The following SOBP variants were observed in gnomAD, a reference collection of about 807,000 sequenced individuals.
SOBP encodes the protein sine oculis binding protein homolog.
A neutral mutation model predicts 53.6 loss-of-function variants in SOBP; 4 were observed. The ratio of observed to expected loss-of-function variants is 0.07; its 90% CI spans 0.04 to 0.17. SOBP has a LOEUF of 0.17. Among genes scored for constraint, SOBP ranks in the 10% least tolerant of loss-of-function variants. SOBP has a pLI of 1.00. For missense variants in SOBP, 1,088 were observed against 1,204.7 expected (o/e 0.90, Z 1.43); for synonymous variants, 584 against 522.6 (o/e 1.12, Z -1.60).
intron 1 of SOBP, among the ~76,000 whole-genome samples, chr6:107,502,998 T>G (rs1273512614): frequency 6.6e-6 from 1 of 152,156 alleles, no homozygotes; most frequent in Non-Finnish European, 1.5e-5. Context: ...TGACCTCAAG[T>G]AATCTGTCTG....
At chr6:107,645,276 ACTC>A (rs1021529173) in intron 6 of SOBP, among the ~76,000 whole-genome samples, 5 of 151,998 alleles carry the variant, frequency 3.3e-5, no homozygotes, top group African/African-American at 4.8e-5. Flanking sequence ...AAACTTAATA[ACTC>A]CTCATCATAT....
intron 3 of SOBP, among the ~76,000 whole-genome samples, chr6:107,526,555 A>G (rs1783669827): frequency 6.6e-6 from 1 of 152,134 alleles, no homozygotes; most frequent in Non-Finnish European, 1.5e-5. Flanking sequence ...TGCTCTCTGG[A>G]ATGGCTCTCA....
intron 4 of SOBP, among the ~76,000 whole-genome samples, chr6:107,578,009 G>A (rs1785286068): frequency 6.7e-6 from 1 of 148,550 alleles, no homozygotes; most frequent in Non-Finnish European, 1.5e-5. Context: ...GGGAGGCGAA[G>A]CTTGCAGTGA....
intron 5 of SOBP, among the ~76,000 whole-genome samples, chr6:107,602,299 G>A (rs567212557): frequency 6.6e-6 from 1 of 152,330 alleles, no homozygotes; most frequent in African/African-American, 2.4e-5. Context: ...AACTGTTAAA[G>A]TGTTTCAGAG....
rs1057022682 is a variant in SOBP at position 107,533,665 on chromosome 6, G to A, written c.573+55G>A. On this transcript the variant is annotated intron_variant, in intron 4 of 6. Coordinates refer to ENST00000317357, the MANE Select transcript of SOBP (RefSeq NM_018013.4). ...CCACAGGCCTCACCAGCCCACACGC[G>A]CATGTGCCTCATAGCTTCTAGCGGA... 2.3e-5 allele frequency: 37 copies of A among 1,607,296 alleles called. No homozygotes were observed. The East Asian group carries it at 4.5e-4, about 19-fold the overall frequency.
chr6:107,522,883 T>TGTGGGAG (rs1226555862), intron 3 of SOBP, among the ~76,000 whole-genome samples: 3 of 151,800 alleles, frequency 2.0e-5, no homozygotes, highest in African/African-American at 7.3e-5. Flanking sequence ...TTAATCAGAA[T>TGTGGGAG]GTGGGAGGTG....
At chr6:107,501,095 A>G (rs1053874923) in intron 1 of SOBP, among the ~76,000 whole-genome samples, 2 of 152,158 alleles carry the variant, frequency 1.3e-5, no homozygotes, top group Admixed American at 6.6e-5. Flanking sequence ...TTTAGAGTTT[A>G]TTTACCCTGA....
chr6:107,577,505 T>C (rs917118078), intron 4 of SOBP, among the ~76,000 whole-genome samples: 4 of 152,210 alleles, frequency 2.6e-5, no homozygotes, highest in Admixed American at 1.3e-4. Context: ...AACTGACTCA[T>C]GTTGACCAAA....
chr6:107,605,381 A>C (rs758740833), intron 5 of SOBP, among the ~76,000 whole-genome samples: 1 of 152,380 alleles, frequency 6.6e-6, no homozygotes, highest in African/African-American at 2.4e-5. Context: ...AACTGCCCTT[A>C]TCCTAACAAG....
chr6:107,545,150 G>A (rs546274512), intron 4 of SOBP, among the ~76,000 whole-genome samples: 1 of 152,316 alleles, frequency 6.6e-6, no homozygotes, highest in Non-Finnish European at 1.5e-5. Context: ...GATGAATGTG[G>A]TTGAAAGATA....
chr6:107,534,133 G>T (rs1783923153), intron 4 of SOBP, among the ~76,000 whole-genome samples: 1 of 152,182 alleles, frequency 6.6e-6, no homozygotes, highest in Non-Finnish European at 1.5e-5. Flanking sequence ...ATTGAGAAAA[G>T]ATGAAATCAT....
intron 4 of SOBP, among the ~76,000 whole-genome samples, chr6:107,536,152 T>A (rs1357658956): frequency 6.6e-6 from 1 of 152,126 alleles, no homozygotes; most frequent in Non-Finnish European, 1.5e-5. Flanking sequence ...TAAAAAAACA[T>A]AAAATTAACT....
At chr6:107,496,069 T>G (rs1330044246) in intron 1 of SOBP, among the ~76,000 whole-genome samples, 2 of 151,976 alleles carry the variant, frequency 1.3e-5, no homozygotes, top group East Asian at 3.9e-4. Flanking sequence ...ATGTGGTAAG[T>G]GAGATTTGCT....
intron 1 of SOBP, among the ~76,000 whole-genome samples, chr6:107,494,173 G>A (rs866000359): frequency 3.3e-5 from 5 of 152,248 alleles, no homozygotes; most frequent in South Asian, 2.1e-4. Flanking sequence ...TTAATTAGTG[G>A]CTAGTAGAAT....
chr6:107,642,372 C>G (rs936981644), intron 6 of SOBP, among the ~76,000 whole-genome samples: 2 of 152,100 alleles, frequency 1.3e-5, no homozygotes, highest in African/African-American at 4.8e-5. Flanking sequence ...ATGACTGGAG[C>G]AAAAGAAAAT....
At chr6:107,618,041 C>G (rs1278393190) in intron 5 of SOBP, among the ~76,000 whole-genome samples, 1 of 152,026 alleles carries the variant, frequency 6.6e-6, no homozygotes, top group Non-Finnish European at 1.5e-5. Flanking sequence ...ATAGGCCAGG[C>G]TGGTCTTGAA....
intron 3 of SOBP, among the ~76,000 whole-genome samples, chr6:107,508,223 A>C (rs1783052974): frequency 1.3e-5 from 2 of 152,184 alleles, no homozygotes; most frequent in African/African-American, 4.8e-5. Flanking sequence ...ACTGTATTCT[A>C]AGTGTTACTC....
intron 1 of SOBP, among the ~76,000 whole-genome samples, chr6:107,495,479 A>G (rs1562570522): frequency 6.6e-6 from 1 of 152,174 alleles, no homozygotes; most frequent in Non-Finnish European, 1.5e-5. Context: ...GAGACGAGGA[A>G]ATGGAAAGGA....
intron 3 of SOBP, among the ~76,000 whole-genome samples, chr6:107,507,626 C>T (rs912667400): frequency 2.0e-5 from 3 of 151,958 alleles, no homozygotes; most frequent in Admixed American, 6.6e-5. Context: ...TTTTTTAGCT[C>T]GTCAGCTATC....
Sources: allele counts gnomAD v4.1 joint callset (sites outside exome capture counted in the v4.1 genomes callset), GRCh38; gene constraint gnomAD v4.1.1; transcripts MANE v1.5; gene names NCBI Gene and HGNC (gene_info 2026-07-23, HGNC 2026-07-21).